Variants in CCDC191 observed in about 807,000 individuals in gnomAD.
The protein encoded by CCDC191 is coiled-coil domain-containing protein 191.
A neutral mutation model predicts 114.0 loss-of-function variants in CCDC191; 99 were observed. That is an observed-to-expected ratio of 0.87 (90% confidence interval 0.74 to 1.03). CCDC191 has a LOEUF of 1.03. CCDC191 is among the 50% of genes least tolerant of loss of function. The pLI, the probability that CCDC191 is intolerant of heterozygous loss-of-function variation, is 0.00. For synonymous variants in CCDC191, 351 were observed against 376.0 expected (o/e 0.93, Z 0.77); for missense variants, 973 against 1,087.0 (o/e 0.90, Z 1.47).
chr3:114,046,539 G>A (rs1248267921), intron 3 of CCDC191, 52 bp downstream of exon 3: 6 of 1,105,520 alleles, frequency 5.4e-6, no homozygotes, highest in African/African-American at 1.5e-5. Flanking sequence ...AATGCATCAT[G>A]GGTTATGCTT....
chr3:114,056,229 A>C (rs1377647642), intron 1 of CCDC191, 148 bp downstream of exon 1: 4 of 700,956 alleles, frequency 5.7e-6, no homozygotes, highest in African/African-American at 1.8e-5. Flanking sequence ...CATTTCACTC[A>C]GGGTAATGCT....
intron 3 of CCDC191, 73 bp from the exon 4 acceptor site, chr3:114,042,919 T>C: frequency 1.5e-6 from 2 of 1,364,796 alleles, no homozygotes; most frequent in Non-Finnish European, 2.0e-6. Flanking sequence ...TTTTCATTTA[T>C]TCAATAAATA....
intron 6 of CCDC191, among the ~76,000 whole-genome samples, 156 bp downstream of exon 6, chr3:114,034,769 A>G (rs1289502514): frequency 6.6e-6 from 1 of 152,206 alleles, no homozygotes; most frequent in Non-Finnish European, 1.5e-5. Context: ...GAACATGGAA[A>G]TATGAAATTA....
chr3:114,038,536 A>C (rs1441811372), intron 4 of CCDC191, among the ~76,000 whole-genome samples: 1 of 152,218 alleles, frequency 6.6e-6, no homozygotes, highest in African/African-American at 2.4e-5. Flanking sequence ...ACTTGGGTTG[A>C]TTCCATGTCT....
At chr3:114,054,623 C>G (rs1263013103) in intron 1 of CCDC191, among the ~76,000 whole-genome samples, 7 of 152,034 alleles carry the variant, frequency 4.6e-5, no homozygotes, top group East Asian at 1.9e-4. Context: ...GGCGACAGAG[C>G]GAGACTCTGT....
intron 16 of CCDC191, among the ~76,000 whole-genome samples, chr3:113,970,178 C>G (rs1940655465): frequency 6.6e-6 from 1 of 151,964 alleles, no homozygotes; most frequent in African/African-American, 2.4e-5. Context: ...ATAAATGCTG[C>G]TGATTTTTGA....
At position 114,004,662 on chromosome 3, in the gene CCDC191, C is replaced by T. The variant is rs1414195421; in HGVS notation, c.1953G>A (p.Leu651=). Residue 651 remains leucine (L), a synonymous_variant, in exon 11 of 17, where the codon TTG becomes TTA. Transcript: ENST00000295878. The stretch of plus-strand genomic sequence containing the variant: ...CTTTTAGTATGGGATGCGGTGTCAT[C>T]AATTGCTTTGGTTTCCTTCTGAGTC... ...LSGLRRKPKQ[L]MTPHPILKAM... is the part of the protein sequence containing the mutation. 1 of 1,612,630 alleles carries T rather than the reference C, an allele frequency of 6.2e-7. No individual in the cohort carries two copies. Among genetic ancestry groups the T allele is most frequent in the South Asian group, 1.1e-5 (1 of 90,996 alleles).
intron 2 of CCDC191, among the ~76,000 whole-genome samples, chr3:114,048,750 T>A (rs2076663274): frequency 6.6e-6 from 1 of 152,218 alleles, no homozygotes; most frequent in Non-Finnish European, 1.5e-5. Context: ...GTACTTACCA[T>A]CTTATCGTAT....
At chr3:114,004,290 G>A in intron 11 of CCDC191, 1 of 996,758 alleles carries the variant, frequency 1.0e-6, no homozygotes, top group Non-Finnish European at 1.2e-6. Context: ...TCCTTTATCA[G>A]TGTTTGTCCT....
In CCDC191 at chr3:114,001,672, C is replaced by T. The variant is rs754706776; in HGVS notation, c.2086G>A (p.Glu696Lys). 1.9e-6 allele frequency: 3 copies of T among 1,613,866 alleles called. No homozygotes were observed. In the South Asian group the frequency reaches 3.3e-5, roughly 18 times the overall value. Residue 696 changes from glutamate (E) to lysine (K), a missense_variant, in exon 13 of 17, where the codon GAA becomes AAA. Physicochemically the swap from Glu to Lys is moderately conservative, Grantham distance 56. Coordinates refer to ENST00000295878, the MANE Select transcript of CCDC191 (RefSeq NM_020817.2). Reference sequence around the variant, plus strand: ...TCTTCTGCCTCCCTTTTCTGACGTTCCTCCTCTTGGGCCTTTAACTGGGCC... The same window carrying T: ...TCTTCTGCCTCCCTTTTCTGACGTTTCTCCTCTTGGGCCTTTAACTGGGCC... ...KLAQLKAQEEERQKREAEEKE... is the reference protein window; with the variant it reads ...KLAQLKAQEEKRQKREAEEKE...
At chr3:114,042,217 G>A (rs1451219556) in intron 4 of CCDC191, among the ~76,000 whole-genome samples, 2 of 152,098 alleles carry the variant, frequency 1.3e-5, no homozygotes, top group Non-Finnish European at 2.9e-5. Flanking sequence ...ATCTGCAGAT[G>A]CCACATTCTT....
At position 113,975,007 on chromosome 3, in the gene CCDC191, G is replaced by A. The variant is rs570773281; in HGVS notation, c.2606+3179C>T. Among the ~76,000 whole-genome samples the A allele has an allele frequency of 2.6e-4, 40 of 152,246 alleles. No homozygotes were observed. The South Asian group carries it at 5.8e-3, about 22-fold the overall frequency. On this transcript the variant is annotated intron_variant, in intron 16 of 16. Coordinates refer to ENST00000295878, the MANE Select transcript of CCDC191 (RefSeq NM_020817.2). ...GTATTGTATAATAAGTATGATTTAAGTCACCAAGGTAAGGGTTCTTAAGCT... is the reference window on the plus strand; with the variant it reads ...GTATTGTATAATAAGTATGATTTAAATCACCAAGGTAAGGGTTCTTAAGCT...
At chr3:113,989,430 C>T (rs2107632531) in intron 13 of CCDC191, among the ~76,000 whole-genome samples, 1 of 152,232 alleles carries the variant, frequency 6.6e-6, no homozygotes, top group Non-Finnish European at 1.5e-5. Context: ...CAAAACTTTA[C>T]AATTTCATGC....
rs35483860 is a variant in CCDC191, at chr3:113,990,931, CAA to C, written c.2164-10140_2164-10139del. Among the ~76,000 whole-genome samples the C allele has an allele frequency of 9.3e-3, 444 of 47,634 alleles. 1 individual carries two copies. Among genetic ancestry groups the C allele is most frequent in the African/African-American group, 0.029 (325 of 11,022 alleles). 31.2% of individuals were successfully genotyped at this position (47,634 alleles called of 152,430 possible). On this transcript the variant is annotated intron_variant, in intron 13 of 16. Transcript: ENST00000295878. ...TGCGCAACATAGTGATAAAGCACCT[CAA>C]AAAAAAAAAAAAAAAAAAAAAAGGC...
At chr3:113,969,462 T>C (rs1940578669) in intron 16 of CCDC191, among the ~76,000 whole-genome samples, 1 of 152,206 alleles carries the variant, frequency 6.6e-6, no homozygotes, top group African/African-American at 2.4e-5. Context: ...TGTTTTCTTC[T>C]AGTAGTCTCA....
intron 5 of CCDC191, among the ~76,000 whole-genome samples, chr3:114,035,737 G>GA (rs1228476260): frequency 6.6e-6 from 1 of 151,992 alleles, no homozygotes; most frequent in Non-Finnish European, 1.5e-5. Flanking sequence ...TATGAGAAAG[G>GA]AAAGGTCCTT....
At chr3:113,965,530 G>A (rs1940038133) in intron 16 of CCDC191, 171 bp from the exon 17 acceptor site, 1 of 405,058 alleles carries the variant, frequency 2.5e-6, no homozygotes, top group Non-Finnish European at 4.3e-6. Context: ...AAAAAAATAA[G>A]GCAACAAAAG....
intron 13 of CCDC191, among the ~76,000 whole-genome samples, chr3:113,987,160 A>G (rs1054779699): frequency 6.6e-6 from 1 of 150,994 alleles, no homozygotes; most frequent in South Asian, 2.1e-4. Flanking sequence ...TCAACCCACA[A>G]TTCTATATCC....
intron 13 of CCDC191, among the ~76,000 whole-genome samples, chr3:113,994,079 T>C (rs2075651031): frequency 6.6e-6 from 1 of 152,194 alleles, no homozygotes; most frequent in Non-Finnish European, 1.5e-5. Flanking sequence ...ATTTAACACT[T>C]TCCTCTGTGA....
Sources: gnomAD v4.1 joint callset for allele counts (sites outside exome capture counted in the v4.1 genomes callset) on GRCh38, gnomAD v4.1.1 for gene constraint, MANE v1.5 for transcripts, NCBI Gene and HGNC (gene_info 2026-07-23, HGNC 2026-07-21) for gene names.